The following TMEM184B variants were observed in gnomAD, a reference collection of about 807,000 sequenced individuals.
TMEM184B encodes the protein transmembrane protein 184B, also known as putative MAPK-activating protein FM08.
TMEM184B carries 17 observed loss-of-function variants against 41.8 expected under a neutral mutation model. The observed-to-expected ratio is 0.41, with a 90% CI of 0.28 to 0.61. The LOEUF is 0.61. Ranked by LOEUF, TMEM184B falls within the 20% of genes least tolerant of loss-of-function variation. The pLI is 0.34. For synonymous variants in TMEM184B, 240 were observed against 229.5 expected (o/e 1.05, Z -0.41); for missense variants, 393 against 557.8 (o/e 0.70, Z 2.98).
At position 38,244,815 on chromosome 22, in the gene TMEM184B, C is replaced by A. The variant is rs571538384; in HGVS notation, c.358+1120G>T. The stretch of plus-strand genomic sequence containing the variant: ...TTCCTGCTGGCCTGTCTAGGGCAGA[C>A]CTGGGCATTGCTGGCCTCTAACAGA... On this transcript the variant is annotated intron_variant, in intron 3 of 8. Transcript: ENST00000361906. Among the ~76,000 whole-genome samples, 709 of 152,314 alleles carry A rather than the reference C, an allele frequency of 4.7e-3. 3 individuals carry two copies. The highest frequency in any genetic ancestry group is 0.016 in the African/African-American group (674 of 41,576).
intron 3 of TMEM184B, among the ~76,000 whole-genome samples, chr22:38,237,870 G>A (rs1056328440): frequency 1.4e-4 from 21 of 151,390 alleles, no homozygotes; most frequent in African/African-American, 3.9e-4. Flanking sequence ...GCAATGGCGC[G>A]ATCTCACTGC....
intron 1 of TMEM184B, among the ~76,000 whole-genome samples, chr22:38,256,849 A>G (rs2092287709): frequency 6.6e-6 from 1 of 152,178 alleles, no homozygotes; most frequent in South Asian, 2.1e-4. Context: ...TTTTGAAATA[A>G]TCGTAGGTTC....
At chr22:38,257,814 T>C (rs1262498967) in intron 1 of TMEM184B, among the ~76,000 whole-genome samples, 2 of 152,208 alleles carry the variant, frequency 1.3e-5, no homozygotes, top group African/African-American at 2.4e-5. Context: ...TGGTTTCTTT[T>C]TTACTGATAG....
At position 38,245,927 on chromosome 22, in the gene TMEM184B, AT is replaced by A; in HGVS notation, c.358+7del. 1 of 750,354 alleles carries A rather than the reference AT, an allele frequency of 1.3e-6. No homozygotes were observed. The highest frequency in any genetic ancestry group is 6.8e-5 in the East Asian group (1 of 14,664). 46.5% of individuals were successfully genotyped at this position (750,354 alleles called of 1,614,324 possible). On this transcript the variant is annotated splice_region_variant and intron_variant, in intron 3 of 8. Transcript: ENST00000361906. Reference sequence around the variant, plus strand: ...CGCCAGCCCTCCCCACTCCGTCCCCATCCTCACCCTCATAGCAGTCGCGGAC... The same window carrying A: ...CGCCAGCCCTCCCCACTCCGTCCCCACCTCACCCTCATAGCAGTCGCGGAC...
intron 1 of TMEM184B, among the ~76,000 whole-genome samples, chr22:38,264,713 T>C (rs1388251573): frequency 6.6e-6 from 1 of 152,166 alleles, no homozygotes; most frequent in African/African-American, 2.4e-5. Context: ...CAACTCTATG[T>C]AGAAGCAGGG....
At chr22:38,222,146 G>A in intron 8 of TMEM184B, 1 of 209,464 alleles carries the variant, frequency 4.8e-6, no homozygotes, top group Non-Finnish European at 9.7e-6. Flanking sequence ...CACCACCGGG[G>A]GAAGTGCTGT....
In TMEM184B at chr22:38,247,947, C is replaced by T; in HGVS notation, c.15G>A (p.Gly5=). 1 of 1,583,738 alleles carries T rather than the reference C, an allele frequency of 6.3e-7. No individual in the cohort carries two copies. The highest frequency in any genetic ancestry group is 8.5e-7 in the Non-Finnish European group (1 of 1,170,546). MTVR[G]DVLAPDPASP... ...ACGCTGGATCCGGGGCCAGCACATC[C>T]CCCCTCACTGTCATGGTGCCTGGCA... Residue 5 remains glycine (G), a synonymous_variant, in exon 2 of 9, where the codon GGG becomes GGA. Coordinates refer to ENST00000361906, the MANE Select transcript of TMEM184B (RefSeq NM_012264.5).
chr22:38,232,960 A>G (rs964232939), intron 3 of TMEM184B, among the ~76,000 whole-genome samples: 2 of 152,028 alleles, frequency 1.3e-5, no homozygotes, highest in Non-Finnish European at 2.9e-5. Flanking sequence ...CCTCCTACCC[A>G]CGGAACCTGA....
chr22:38,249,987 C>T (rs999506404), intron 1 of TMEM184B, among the ~76,000 whole-genome samples: 4 of 152,378 alleles, frequency 2.6e-5, no homozygotes, highest in East Asian at 3.9e-4. Context: ...CCAGCTCCCC[C>T]GCCAACCAGC....
chr22:38,227,956 G>A lies in TMEM184B; in HGVS notation c.526-1086C>T, dbSNP rs367599845. ...AAATCTAAGCCCTAAGACCCCTTCTGAGGAGCTGGGGGAGGTTAAATCCAA... is the reference window on the plus strand; with the variant it reads ...AAATCTAAGCCCTAAGACCCCTTCTAAGGAGCTGGGGGAGGTTAAATCCAA... On this transcript the variant is annotated intron_variant, in intron 5 of 8. Transcript: ENST00000361906. Among the ~76,000 whole-genome samples, 47 of 152,322 alleles carry A rather than the reference G, an allele frequency of 3.1e-4. 3 individuals are homozygous for A. Among genetic ancestry groups the A allele is most frequent in the East Asian group, 2.1e-3 (11 of 5,178 alleles).
At chr22:38,231,707 C>A in intron 3 of TMEM184B, 1 of 401,026 alleles carries the variant, frequency 2.5e-6, no homozygotes, top group Non-Finnish European at 4.7e-6. Flanking sequence ...ACAGTATTGC[C>A]TTTATTAGTT....
At chr22:38,248,229 C>T (rs1464760508) in intron 1 of TMEM184B, among the ~76,000 whole-genome samples, 2 of 152,206 alleles carry the variant, frequency 1.3e-5, no homozygotes, top group African/African-American at 4.8e-5. Flanking sequence ...CCAGTCCCCA[C>T]TCAGCATGTT....
Position 38,220,116 on chromosome 22 carries a change from T to C in TMEM184B, c.*1353A>G, listed in dbSNP as rs1434242945. ...GTTTTAAATGCCAGGACACTTTGCC[T>C]GTAGGGACACGTGTTGTGACACGAG... On this transcript the variant is annotated 3_prime_UTR_variant, in exon 9 of 9. Transcript: ENST00000361906. 2.0e-6 allele frequency: 2 copies of C among 985,274 alleles called. No homozygotes were observed. The highest frequency in any genetic ancestry group is 3.5e-5 in the African/African-American group (2 of 57,190). 61.0% of individuals were successfully genotyped at this position (985,274 alleles called of 1,614,324 possible).
chr22:38,267,804 CATTT>C (rs1259532254), intron 1 of TMEM184B, among the ~76,000 whole-genome samples: 8 of 152,138 alleles, frequency 5.3e-5, no homozygotes, highest in Non-Finnish European at 7.3e-5. Flanking sequence ...TCCAACCATT[CATTT>C]GTTTATTCAA....
intron 4 of TMEM184B, 24 bp from the exon 5 acceptor site, chr22:38,230,768 C>G (rs2091592823): frequency 6.2e-7 from 1 of 1,604,648 alleles, no homozygotes; most frequent in Non-Finnish European, 8.5e-7. Flanking sequence ...GCATAGCAGG[C>G]AGTGGCAGTG....
intron 2 of TMEM184B, chr22:38,246,617 C>G (rs554397700): frequency 3.1e-6 from 1 of 321,934 alleles, no homozygotes; most frequent in African/African-American, 2.2e-5. Flanking sequence ...GACACACTTC[C>G]TGGCCGAGTG....
At chr22:38,272,602 G>A (rs1308642501) in intron 1 of TMEM184B, 10 of 985,488 alleles carry the variant, frequency 1.0e-5, no homozygotes, top group Non-Finnish European at 1.2e-5. Flanking sequence ...CCCCCGGACA[G>A]GTCCGATTAC....
At position 38,265,501 on chromosome 22, in the gene TMEM184B, G is replaced by A. The variant is rs59712674; in HGVS notation, c.-59+7383C>T. Among the ~76,000 whole-genome samples the A allele has an allele frequency of 9.7e-4, 148 of 152,146 alleles. 2 individuals carry two copies. Among genetic ancestry groups the A allele is most frequent in the African/African-American group, 3.1e-3 (128 of 41,506 alleles). On this transcript the variant is annotated intron_variant, in intron 1 of 8. Coordinates refer to ENST00000361906, the MANE Select transcript of TMEM184B (RefSeq NM_012264.5). ...CCCAGGACTCAAAACCAGAAAACCTGGGTGCTTCCTCCCCCAGGATCTTAG... is the reference window on the plus strand; with the variant it reads ...CCCAGGACTCAAAACCAGAAAACCTAGGTGCTTCCTCCCCCAGGATCTTAG...
chr22:38,259,057 C>T (rs756606325), intron 1 of TMEM184B, among the ~76,000 whole-genome samples: 5 of 152,210 alleles, frequency 3.3e-5, no homozygotes, highest in Admixed American at 2.6e-4. Flanking sequence ...CACCTCCCTC[C>T]TCTTCCAGGA....
Sources: gnomAD v4.1 joint callset for allele counts (sites outside exome capture counted in the v4.1 genomes callset) on GRCh38, gnomAD v4.1.1 for gene constraint, MANE v1.5 for transcripts, NCBI Gene and HGNC (gene_info 2026-07-23, HGNC 2026-07-21) for gene names.